The following ZNF607 variants were observed in gnomAD, a reference collection of about 807,000 sequenced individuals.
ZNF607 encodes zinc finger protein 607.
ZNF607 carries 5 observed loss-of-function variants against 12.8 expected under a neutral mutation model. The observed-to-expected ratio is 0.39, with a 90% CI of 0.20 to 0.82. The LOEUF is 0.82. Among genes scored for constraint, ZNF607 ranks in the 40% least tolerant of loss-of-function variants. The pLI, the probability that ZNF607 is intolerant of heterozygous loss-of-function variation, is 0.39. For missense variants in ZNF607, 851 were observed against 859.2 expected (o/e 0.99, Z 0.12); for synonymous variants, 287 against 276.2 (o/e 1.04, Z -0.39).
chr19:37,701,897 C>A (rs34782935), intron 4 of ZNF607, among the ~76,000 whole-genome samples: 23,057 of 151,994 alleles, frequency 0.15, 2,127 homozygotes, highest in Non-Finnish European at 0.21. Flanking sequence ...GATGAAAATG[C>A]AAATTATACA....
intron 4 of ZNF607, among the ~76,000 whole-genome samples, chr19:37,703,328 A>T (rs2045054888): frequency 6.6e-6 from 1 of 152,144 alleles, no homozygotes; most frequent in East Asian, 1.9e-4. Context: ...CAGAGAAACT[A>T]AATAGAGAAA....
intron 1 of ZNF607, among the ~76,000 whole-genome samples, chr19:37,712,474 G>C (rs888043445): frequency 8.5e-5 from 13 of 152,106 alleles, no homozygotes; most frequent in Admixed American, 6.6e-5. Flanking sequence ...TTGTGCTACT[G>C]AACTCCAGCC....
chr19:37,707,602 TCTAAAGAAAAAAAAATTAGCCAG>T (rs1045387552), intron 4 of ZNF607, among the ~76,000 whole-genome samples: 7 of 152,068 alleles, frequency 4.6e-5, no homozygotes, highest in African/African-American at 1.4e-4. Flanking sequence ...AGACCTCATC[TCTAAAGAAAAAAAAATTAGCCAG>T]GTGTGGTGGT....
At chr19:37,700,597 G>A (rs947240660) in intron 4 of ZNF607, among the ~76,000 whole-genome samples, 2 of 152,134 alleles carry the variant, frequency 1.3e-5, no homozygotes, top group Admixed American at 6.6e-5. Context: ...CGGAGAAAAT[G>A]GGTACACATC....
intron 1 of ZNF607, among the ~76,000 whole-genome samples, chr19:37,715,569 C>A (rs1308002431): frequency 6.6e-6 from 1 of 150,706 alleles, no homozygotes; most frequent in Non-Finnish European, 1.5e-5. Context: ...CATGCCATTG[C>A]ACTCCAGCCT....
intron 1 of ZNF607, among the ~76,000 whole-genome samples, chr19:37,713,700 C>T (rs956093760): frequency 6.6e-6 from 1 of 151,920 alleles, no homozygotes; most frequent in African/African-American, 2.4e-5. Context: ...CAGCCTCCCA[C>T]AGTGCTGGGA....
chr19:37,699,092 TA>T lies in ZNF607; in HGVS notation c.1038del (p.Phe346LeufsTer179), dbSNP rs1182303279. The T allele has an allele frequency of 6.2e-7, 1 of 1,614,182 alleles. No homozygotes were observed. Among genetic ancestry groups the T allele is most frequent in the South Asian group, 1.1e-5 (1 of 91,080 alleles). ...GGTGCAGTAAGTTGATGGCCACTAC[TA>T]AAAGCCTCCCCATTTTCTTTACATT... is the stretch of plus-strand genomic sequence containing the variant. ...HYECKENGEA[F>X]SSGHQLTAPH... On this transcript the variant is annotated frameshift_variant, in exon 5 of 5. Coordinates refer to ENST00000355202, the MANE Select transcript of ZNF607 (RefSeq NM_032689.5). LOFTEE classifies it low-confidence loss of function (END_TRUNC).
At chr19:37,710,466 CA>C (rs74174482) in intron 2 of ZNF607, among the ~76,000 whole-genome samples, 23 of 40,034 alleles carry the variant, frequency 5.7e-4, no homozygotes, top group East Asian at 1.6e-3. Flanking sequence ...AACTCCATCT[CA>C]AAAAAAAAAA....
Position 37,698,257 on chromosome 19 carries a change from G to A in ZNF607, c.1874C>T (p.Ala625Val), listed in dbSNP as rs1423322034. The A allele has an allele frequency of 1.9e-6, 3 of 1,614,120 alleles. No individual in the cohort carries two copies. The highest frequency in any genetic ancestry group is 2.5e-6 in the Non-Finnish European group (3 of 1,180,022). Residue 625 changes from alanine (A) to valine (V), a missense_variant, in exon 5 of 5, where the codon GCA becomes GTA. Transcript: ENST00000355202. ...AACAAGATATGAGGCACAGTGAAAT[G>A]CCTTCCCACATCTTTTACATTCATA... ...KPYECKRCGK[A>V]FHCASYLVRH...
At position 37,702,534 on chromosome 19, in the gene ZNF607, T is replaced by C. The variant is rs559070046; in HGVS notation, c.236-2639A>G. Reference sequence around the variant, plus strand: ...ATAAAAGCAAATTAGTTTGTTGCCATCAGACTTACTATACAAAAAATGCTA... The same window carrying C: ...ATAAAAGCAAATTAGTTTGTTGCCACCAGACTTACTATACAAAAAATGCTA... On this transcript the variant is annotated intron_variant, in intron 4 of 4. Transcript: ENST00000355202. Among the ~76,000 whole-genome samples, 671 of 152,302 alleles carry C rather than the reference T, an allele frequency of 4.4e-3. 5 individuals carry two copies. The highest frequency in any genetic ancestry group is 6.3e-3 in the Non-Finnish European group (426 of 68,034).
chr19:37,713,901 G>A (rs1176339837), intron 1 of ZNF607, among the ~76,000 whole-genome samples: 1 of 152,082 alleles, frequency 6.6e-6, no homozygotes, highest in Non-Finnish European at 1.5e-5. Flanking sequence ...ATAGGGAGTA[G>A]GTTAAACATA....
In ZNF607 at chr19:37,696,452, G is replaced by A. The variant is rs774815848; in HGVS notation, c.*1588C>T. On this transcript the variant is annotated 3_prime_UTR_variant, in exon 5 of 5. Coordinates refer to ENST00000355202, the MANE Select transcript of ZNF607 (RefSeq NM_032689.5). Reference sequence around the variant, plus strand: ...ATAATTTTTTCATGTACTAACTCATGTAATTCTTTGTTTTTTAGAGATCTG... The same window carrying A: ...ATAATTTTTTCATGTACTAACTCATATAATTCTTTGTTTTTTAGAGATCTG... The A allele has an allele frequency of 2.0e-5, 6 of 298,446 alleles. No individual in the cohort carries two copies. Among genetic ancestry groups the A allele is most frequent in the Non-Finnish European group, 3.8e-5 (6 of 157,686 alleles). The allele number at this position is 298,446 out of a possible 1,614,324, so 18.5% of individuals were successfully genotyped here.
intron 1 of ZNF607, among the ~76,000 whole-genome samples, chr19:37,714,563 CAAAAA>C (rs56081124): frequency 4.4e-4 from 48 of 108,240 alleles, no homozygotes; most frequent in African/African-American, 1.3e-3. Context: ...GACCCCATCT[CAAAAA>C]AAAAAAAAAA....
intron 1 of ZNF607, among the ~76,000 whole-genome samples, chr19:37,715,443 C>A (rs1473187492): frequency 1.3e-5 from 2 of 151,346 alleles, no homozygotes; most frequent in Non-Finnish European, 2.9e-5. Flanking sequence ...CCCATCTCTA[C>A]TAAAAATACA....
chr19:37,698,340 A>C lies in ZNF607; in HGVS notation c.1791T>G (p.Thr597=). ...TAATAAGATGTGAAGCATGACTAAA[A>C]GTTTCCCCACATTCTTTACATTCAT... ...KSYECKECGE[T]FSHASHLIIH... Residue 597 remains threonine (T), a synonymous_variant, in exon 5 of 5, where the codon ACT becomes ACG. Coordinates refer to ENST00000355202, the MANE Select transcript of ZNF607 (RefSeq NM_032689.5). The C allele has an allele frequency of 1.2e-6, 2 of 1,614,084 alleles. No individual in the cohort carries two copies. Among genetic ancestry groups the C allele is most frequent in the Non-Finnish European group, 1.7e-6 (2 of 1,179,998 alleles).
At chr19:37,713,955 G>A (rs1449664309) in intron 1 of ZNF607, among the ~76,000 whole-genome samples, 1 of 152,088 alleles carries the variant, frequency 6.6e-6, no homozygotes, top group Non-Finnish European at 1.5e-5. Context: ...TGATTACTAA[G>A]ATTGATCTTA....
Position 37,707,520 on chromosome 19 carries a change from A to C in ZNF607, c.235+394T>G, listed in dbSNP as rs1180045624. Among the ~76,000 whole-genome samples, 4 of 152,092 alleles carry C rather than the reference A, an allele frequency of 2.6e-5. No homozygotes were observed. In the East Asian group the frequency reaches 7.8e-4, roughly 29 times the overall value. The stretch of plus-strand genomic sequence containing the variant: ...CACGGTGGTTTACACCTATAATCCC[A>C]GCACTTTGGGAGTCTGAGGCAGGAG... On this transcript the variant is annotated intron_variant, in intron 4 of 4. Coordinates refer to ENST00000355202, the MANE Select transcript of ZNF607 (RefSeq NM_032689.5).
chr19:37,708,151 T>A (rs1025651795), intron 3 of ZNF607, 139 bp from the exon 4 acceptor site: 19 of 625,028 alleles, frequency 3.0e-5, no homozygotes, highest in Non-Finnish European at 4.7e-5. Flanking sequence ...AAGAAAAAGA[T>A]CACCCAGGGA....
chr19:37,697,932 C>G lies in ZNF607; in HGVS notation c.*108G>C. The G allele has an allele frequency of 9.0e-7, 1 of 1,117,112 alleles. No homozygotes were observed. Among genetic ancestry groups the G allele is most frequent in the Non-Finnish European group, 1.3e-6 (1 of 790,804 alleles). The allele number at this position is 1,117,112 out of a possible 1,614,324, so 69.2% of individuals were successfully genotyped here. A position where few individuals can be genotyped will look rare whatever the true frequency, so the allele number is the denominator to read the frequency against. On this transcript the variant is annotated 3_prime_UTR_variant, in exon 5 of 5. Transcript: ENST00000355202. The stretch of plus-strand genomic sequence containing the variant: ...AAATTGATGCCTAATAAAAACTGAA[C>G]TGTATCTCAAAGCCATTCCACATTG...
Sources: gnomAD v4.1 joint callset for allele counts (sites outside exome capture counted in the v4.1 genomes callset) on GRCh38, gnomAD v4.1.1 for gene constraint, MANE v1.5 for transcripts, NCBI Gene and HGNC (gene_info 2026-07-23, HGNC 2026-07-21) for gene names.